Variants in IQSEC2 observed in about 807,000 individuals in gnomAD.
The protein encoded by IQSEC2 is IQ motif and SEC7 domain-containing protein 2.
A neutral mutation model predicts 74.6 loss-of-function variants in IQSEC2; 6 were observed. That is an observed-to-expected ratio of 0.08 (90% confidence interval 0.04 to 0.16). The LOEUF (loss-of-function observed/expected upper bound fraction) is 0.16. Among genes scored for constraint, IQSEC2 ranks in the 10% least tolerant of loss-of-function variants. IQSEC2 has a pLI of 1.00. For synonymous variants in IQSEC2, 494 were observed against 544.5 expected (o/e 0.91, Z 1.29); for missense variants, 734 against 1,306.2 (o/e 0.56, Z 6.75).
At chrX:53,266,939 A>G in intron 2 of IQSEC2, 1 of 1,149,721 alleles carries the variant, frequency 8.7e-7, no homozygotes, top group African/African-American at 1.8e-5. Flanking sequence ...TTGCTTCTGC[A>G]TAGAAAATGG....
intron 5 of IQSEC2, 131 bp downstream of exon 5, chrX:53,250,147 TG>T: frequency 1.3e-6 from 1 of 772,540 alleles, no homozygotes; most frequent in Non-Finnish European, 2.0e-6. Context: ...CCTGAATGTC[TG>T]GGGAGAAATA....
chrX:53,264,929 A>C (rs1256859454), intron 2 of IQSEC2, among the ~76,000 whole-genome samples: 3 of 109,086 alleles, frequency 2.8e-5, no homozygotes, highest in African/African-American at 1.0e-4. Flanking sequence ...ATGCTTAAAA[A>C]AAAAAAAAAA....
intron 2 of IQSEC2, among the ~76,000 whole-genome samples, chrX:53,283,561 G>A (rs2147273130): frequency 8.9e-6 from 1 of 112,143 alleles, no homozygotes; most frequent in East Asian, 2.8e-4. Context: ...GTTTGTTTCA[G>A]GGATAGTGAG....
intron 1 of IQSEC2, among the ~76,000 whole-genome samples, chrX:53,310,339 G>A (rs1345775636): frequency 9.1e-6 from 1 of 110,381 alleles, no homozygotes; most frequent in African/African-American, 3.3e-5. Context: ...AGCTGTGATC[G>A]CACCACTGTT....
At chrX:53,291,855 C>A in intron 2 of IQSEC2, 40 bp downstream of exon 2, 1 of 1,134,766 alleles carries the variant, frequency 8.8e-7, no homozygotes, top group Non-Finnish European at 1.2e-6. Flanking sequence ...CCAGGCCCTG[C>A]CCCATCTCCC....
intron 2 of IQSEC2, among the ~76,000 whole-genome samples, chrX:53,264,321 C>T (rs917546769): frequency 9.0e-6 from 1 of 110,777 alleles, no homozygotes; most frequent in African/African-American, 3.3e-5. Flanking sequence ...ATTTCTCTCA[C>T]GGCTGATCAA....
At chrX:53,266,518 G>A in intron 2 of IQSEC2, 14 of 758,304 alleles carry the variant, frequency 1.8e-5, no homozygotes, top group Non-Finnish European at 2.2e-5. Context: ...AACTAGGCAG[G>A]CTGGGTCCTG....
At position 53,236,339 on chromosome X, in the gene IQSEC2, C is replaced by T. The variant is rs782039814; in HGVS notation, c.3434G>A (p.Arg1145Gln). The change falls in exon 13 of 15, where the codon CGA becomes CAA. Residue 1145 changes from arginine to glutamine, a missense_variant. By Grantham distance (43) the Arg-to-Gln change is conservative. Transcript: ENST00000642864. ...GGGCTTACCTGCATCAGAGAGGTCT[C>T]GCAGGGAACTGCTGAGTGCGCCCCG... ...LKRGALSSSL[R>Q]DLSDAGKRGR... 3 of 1,209,319 alleles carry T rather than the reference C, an allele frequency of 2.5e-6. No individual in the cohort carries two copies. The highest frequency in any genetic ancestry group is 3.4e-6 in the Non-Finnish European group (3 of 894,280).
intron 1 of IQSEC2, 27 bp downstream of exon 1, chrX:53,320,390 C>G (rs1415109828): frequency 1.8e-6 from 2 of 1,118,816 alleles, no homozygotes; most frequent in African/African-American, 3.7e-5. Flanking sequence ...GAGGGAAGAG[C>G]CGGGGGTACA....
At chrX:53,290,502 C>T (rs375258200) in intron 2 of IQSEC2, among the ~76,000 whole-genome samples, 4 of 111,827 alleles carry the variant, frequency 3.6e-5, no homozygotes, top group African/African-American at 9.8e-5. Context: ...TCCAAACCCA[C>T]GGTGGGACAC....
chrX:53,293,756 C>T (rs1248274520), intron 1 of IQSEC2, among the ~76,000 whole-genome samples: 3 of 112,274 alleles, frequency 2.7e-5, no homozygotes, highest in African/African-American at 9.7e-5. Context: ...CGTGGACTGG[C>T]CACTTGTCCC....
At chrX:53,275,728 C>CTT (rs1219701474) in intron 2 of IQSEC2, among the ~76,000 whole-genome samples, 2,821 of 81,649 alleles carry the variant, frequency 0.035, 198 homozygotes, top group African/African-American at 0.13. Flanking sequence ...TGCCCTCATT[C>CTT]TTTTTTTTTT....
At position 53,234,717 on chromosome X, in the gene IQSEC2, G is replaced by A. The variant is rs1416934668; in HGVS notation, c.3969C>T (p.His1323=). The A allele has an allele frequency of 6.2e-6, 7 of 1,129,771 alleles. No individual in the cohort carries two copies. The highest frequency in any genetic ancestry group is 2.1e-5 in the South Asian group (1 of 46,795). 93.1% of individuals were successfully genotyped at this position (1,129,771 alleles called of 1,213,427 possible). The change falls in exon 15 of 15, where the codon CAC becomes CAT. Residue 1323 remains histidine, a synonymous_variant. Coordinates refer to ENST00000642864, the MANE Select transcript of IQSEC2 (RefSeq NM_001111125.3). ...GGGGCCCTGGGACTGGGCCATGGGC[G>A]TGGAAGTGGCGATGTGGCCCCACAG... ...APPVGPHRHF[H]AHGPVPGPQH...
intron 1 of IQSEC2, among the ~76,000 whole-genome samples, chrX:53,317,605 GC>G (rs1223033500): frequency 3.6e-5 from 4 of 111,594 alleles, no homozygotes; most frequent in Non-Finnish European, 5.7e-5. Context: ...GCACAGCGGG[GC>G]CCCCCCAACA....
chrX:53,316,485 C>G (rs1472608100), intron 1 of IQSEC2, among the ~76,000 whole-genome samples: 2 of 110,695 alleles, frequency 1.8e-5, no homozygotes, highest in African/African-American at 3.3e-5. Context: ...ATGCTGACAT[C>G]CCACTGCAAG....
intron 1 of IQSEC2, among the ~76,000 whole-genome samples, chrX:53,307,490 T>C (rs1344299124): frequency 2.8e-5 from 3 of 108,112 alleles, no homozygotes; most frequent in African/African-American, 1.0e-4. Flanking sequence ...ATAGAAAGTA[T>C]GAGAGAAAAG....
intron 1 of IQSEC2, among the ~76,000 whole-genome samples, chrX:53,315,600 T>C (rs1171525432): frequency 8.9e-6 from 1 of 111,740 alleles, no homozygotes; most frequent in Non-Finnish European, 1.9e-5. Context: ...ATCTGTAAAA[T>C]GGAGTTAATA....
intron 1 of IQSEC2, among the ~76,000 whole-genome samples, chrX:53,294,199 AT>A (rs782287864): frequency 1.8e-5 from 2 of 112,345 alleles, no homozygotes; most frequent in East Asian, 5.6e-4. Flanking sequence ...TCTATGTGAT[AT>A]GTGACAGTCC....
intron 1 of IQSEC2, among the ~76,000 whole-genome samples, chrX:53,302,245 C>T (rs1556875622): frequency 8.9e-6 from 1 of 112,041 alleles, no homozygotes; most frequent in East Asian, 2.8e-4. Flanking sequence ...GCTTTATTTT[C>T]CCCATAGCAC....
Sources: allele counts gnomAD v4.1 joint callset (sites outside exome capture counted in the v4.1 genomes callset), GRCh38; gene constraint gnomAD v4.1.1; transcripts MANE v1.5; gene names NCBI Gene and HGNC (gene_info 2026-07-23, HGNC 2026-07-21).